CPED1: variants seen among roughly 807,000 people sequenced by gnomAD.
CPED1 encodes the protein cadherin like and PC-esterase domain containing 1.
A neutral mutation model predicts 128.2 loss-of-function variants in CPED1; 114 were observed. That is an observed-to-expected ratio of 0.89 (90% CI 0.76 to 1.04). The LOEUF (loss-of-function observed/expected upper bound fraction) is 1.04, where lower values mean the gene tolerates loss of function less well. Among genes scored for constraint, CPED1 ranks in the 50% least tolerant of loss-of-function variants. The pLI, the probability that CPED1 is intolerant of heterozygous loss-of-function variation, is 0.00. For synonymous variants in CPED1, 462 were observed against 426.7 expected (o/e 1.08, Z -1.02); for missense variants, 1,211 against 1,207.1 (o/e 1.00, Z -0.05).
intron 5 of CPED1, among the ~76,000 whole-genome samples, chr7:121,088,395 C>T (rs1046354867): frequency 6.6e-6 from 1 of 152,136 alleles, no homozygotes; most frequent in Non-Finnish European, 1.5e-5. Flanking sequence ...CGCAGTGGCT[C>T]ACGCCTGTAA....
At chr7:121,157,593 A>G (rs1361606683) in intron 16 of CPED1, among the ~76,000 whole-genome samples, 1 of 152,096 alleles carries the variant, frequency 6.6e-6, no homozygotes, top group Non-Finnish European at 1.5e-5. Context: ...GACATCTAAC[A>G]CCTCACCCTG....
chr7:121,203,040 G>A (rs1230843406), intron 16 of CPED1, among the ~76,000 whole-genome samples: 2 of 151,916 alleles, frequency 1.3e-5, no homozygotes, highest in East Asian at 1.9e-4. Context: ...CCACTGACTC[G>A]CAGCCCATGA....
chr7:121,050,900 G>A (rs536782550), intron 4 of CPED1: 15 of 482,414 alleles, frequency 3.1e-5, no homozygotes, highest in Admixed American at 1.6e-4. Context: ...CACCCTCCTC[G>A]TCACCAGGAT....
At chr7:121,044,615 C>G (rs1304886638) in intron 3 of CPED1, among the ~76,000 whole-genome samples, 1 of 129,302 alleles carries the variant, frequency 7.7e-6, no homozygotes, top group Non-Finnish European at 1.6e-5. Flanking sequence ...GTTTAGACCC[C>G]TCAAAGAGAT....
chr7:121,193,226 T>A (rs1014472551), intron 16 of CPED1, among the ~76,000 whole-genome samples: 1 of 152,180 alleles, frequency 6.6e-6, no homozygotes, highest in Non-Finnish European at 1.5e-5. Flanking sequence ...AATTTCTATT[T>A]GTTTTTACAA....
At chr7:121,272,469 C>T (rs749255311) in intron 22 of CPED1, among the ~76,000 whole-genome samples, 13 of 152,054 alleles carry the variant, frequency 8.5e-5, no homozygotes, top group South Asian at 4.2e-4. Flanking sequence ...TCCTTGATGG[C>T]GGTAATACCT....
At chr7:121,244,669 G>A (rs1354810838) in intron 18 of CPED1, among the ~76,000 whole-genome samples, 2 of 152,214 alleles carry the variant, frequency 1.3e-5, no homozygotes, top group South Asian at 2.1e-4. Context: ...GTTGAGAGCA[G>A]CTGGCCTTGT....
intron 16 of CPED1, among the ~76,000 whole-genome samples, chr7:121,178,266 AT>A (rs1796828020): frequency 6.6e-6 from 1 of 152,140 alleles, no homozygotes; most frequent in Non-Finnish European, 1.5e-5. Flanking sequence ...AAAGTTGCCC[AT>A]CCTGACTTCC....
intron 4 of CPED1, among the ~76,000 whole-genome samples, chr7:121,062,415 A>C (rs1159340219): frequency 2.0e-5 from 3 of 152,204 alleles, no homozygotes; most frequent in Admixed American, 2.0e-4. Context: ...TACGGACACC[A>C]AAGTGTGTAT....
intron 5 of CPED1, among the ~76,000 whole-genome samples, chr7:121,090,039 G>T (rs1443926699): frequency 6.6e-6 from 1 of 152,182 alleles, no homozygotes; most frequent in Non-Finnish European, 1.5e-5. Flanking sequence ...CGACAAGAAT[G>T]AGCAGAACTC....
intron 16 of CPED1, among the ~76,000 whole-genome samples, chr7:121,166,804 G>GTA (rs1796536341): frequency 6.6e-6 from 1 of 152,134 alleles, no homozygotes; most frequent in Non-Finnish European, 1.5e-5. Context: ...AAATGTAGGA[G>GTA]AAAGTTCTTT....
chr7:121,108,641 TCTC>T (rs909888892), intron 7 of CPED1, among the ~76,000 whole-genome samples: 13 of 152,122 alleles, frequency 8.5e-5, no homozygotes, highest in Middle Eastern at 3.2e-3. Flanking sequence ...TAGAGCTCTT[TCTC>T]CTCAAGGAAT....
chr7:121,251,553 A>G (rs1337268792), intron 18 of CPED1, among the ~76,000 whole-genome samples: 1 of 152,192 alleles, frequency 6.6e-6, no homozygotes, highest in Non-Finnish European at 1.5e-5. Flanking sequence ...ACATGATTGT[A>G]TATCTAGAAA....
At chr7:121,185,414 C>G (rs1796980746) in intron 16 of CPED1, among the ~76,000 whole-genome samples, 1 of 151,798 alleles carries the variant, frequency 6.6e-6, no homozygotes, top group Admixed American at 6.6e-5. Flanking sequence ...CTATTTTTAC[C>G]CCAAACAAGT....
At chr7:121,095,500 G>A (rs1333538670) in intron 5 of CPED1, among the ~76,000 whole-genome samples, 1 of 149,984 alleles carries the variant, frequency 6.7e-6, no homozygotes, top group South Asian at 2.1e-4. Context: ...TTTTCTTTTA[G>A]AATAATAAAA....
chr7:121,116,733 A>G (rs1001914628), intron 7 of CPED1, among the ~76,000 whole-genome samples: 13 of 152,064 alleles, frequency 8.5e-5, no homozygotes, highest in Non-Finnish European at 1.8e-4. Context: ...TTCAATACCC[A>G]TGTTGGTTGC....
rs779659563 is a variant in CPED1 at position 121,141,947 on chromosome 7, ATTTCTCTCTCCCTC to A, written c.1887-17_1887-4del. 2 of 1,596,728 alleles carry A rather than the reference ATTTCTCTCTCCCTC, an allele frequency of 1.3e-6. No homozygotes were observed. Among genetic ancestry groups the A allele is most frequent in the Non-Finnish European group, 1.7e-6 (2 of 1,165,956 alleles). On this transcript the variant is annotated splice_polypyrimidine_tract_variant and intron_variant, in intron 15 of 22. Transcript: ENST00000310396. ...AATAAATCTCCCCTATTCATATTCT[ATTTCTCTCTCCCTC>A]TTTCTCTCCAGCTTTGCCAGCTACC... is the stretch of plus-strand genomic sequence containing the variant.
At chr7:121,003,899 A>G (rs955404760) in intron 2 of CPED1, among the ~76,000 whole-genome samples, 21 of 152,218 alleles carry the variant, frequency 1.4e-4, no homozygotes, top group African/African-American at 4.8e-4. Flanking sequence ...GTAAGCAAGA[A>G]AACAGAATGA....
intron 21 of CPED1, 38 bp from the exon 22 acceptor site, chr7:121,271,246 T>G: frequency 6.5e-7 from 1 of 1,546,724 alleles, no homozygotes; most frequent in South Asian, 1.2e-5. Flanking sequence ...AACAATCCTC[T>G]GGTAATAAAA....
Sources: allele counts gnomAD v4.1 joint callset (sites outside exome capture counted in the v4.1 genomes callset), GRCh38; gene constraint gnomAD v4.1.1; transcripts MANE v1.5; gene names NCBI Gene and HGNC (gene_info 2026-07-23, HGNC 2026-07-21).